CDK19: variants seen among roughly 807,000 people sequenced by gnomAD.
CDK19 encodes cyclin-dependent kinase 19.
A neutral mutation model predicts 68.3 loss-of-function variants in CDK19; 20 were observed. The ratio of observed to expected loss-of-function variants is 0.29; its 90% CI spans 0.21 to 0.43. The LOEUF is 0.43. Among genes scored for constraint, CDK19 ranks in the 20% least tolerant of loss-of-function variants. The pLI, the probability that CDK19 is intolerant of heterozygous loss-of-function variation, is 1.00. For synonymous variants in CDK19, 221 were observed against 222.8 expected, an observed-to-expected ratio of 0.99 and a Z score of 0.07; for missense variants, 339 against 623.5, an observed-to-expected ratio of 0.54 and a Z score of 4.86.
intron 2 of CDK19, among the ~76,000 whole-genome samples, chr6:110,690,819 A>C (rs1458018402): frequency 6.6e-6 from 1 of 152,214 alleles, no homozygotes; most frequent in Non-Finnish European, 1.5e-5. Context: ...GGCTATAATA[A>C]ACTATAAACA....
intron 2 of CDK19, among the ~76,000 whole-genome samples, chr6:110,732,624 A>G (rs1776847071): frequency 6.6e-6 from 1 of 152,200 alleles, no homozygotes; most frequent in South Asian, 2.1e-4. Flanking sequence ...TCCTTTAAAG[A>G]ACCAATCTCT....
At chr6:110,785,980 C>CAA (rs200467580) in intron 1 of CDK19, among the ~76,000 whole-genome samples, 1 of 126,716 alleles carries the variant, frequency 7.9e-6, no homozygotes, top group African/African-American at 3.0e-5. Flanking sequence ...AACTCCATCT[C>CAA]AAAAAAAAAA....
chr6:110,692,964 TC>T (rs1773142008), intron 2 of CDK19, among the ~76,000 whole-genome samples: 2 of 151,990 alleles, frequency 1.3e-5, no homozygotes, highest in Non-Finnish European at 2.9e-5. Context: ...GCCACTGTAC[TC>T]CAGCCTGGGC....
At chr6:110,689,544 G>GTCAC (rs1382937404) in intron 2 of CDK19, among the ~76,000 whole-genome samples, 2 of 152,214 alleles carry the variant, frequency 1.3e-5, no homozygotes, top group Admixed American at 1.3e-4. Context: ...TTGTGGCCAG[G>GTCAC]AAGGAAAAAA....
intron 1 of CDK19, among the ~76,000 whole-genome samples, chr6:110,764,291 T>C (rs1025118564): frequency 2.6e-5 from 4 of 152,120 alleles, no homozygotes; most frequent in Admixed American, 2.6e-4. Flanking sequence ...AGACCCAGAA[T>C]AACCAATGCA....
At chr6:110,795,155 G>A (rs1440436915) in intron 1 of CDK19, among the ~76,000 whole-genome samples, 1 of 152,072 alleles carries the variant, frequency 6.6e-6, no homozygotes, top group East Asian at 1.9e-4. Context: ...ATTTTTTGTA[G>A]AGACAGGGTT....
At chr6:110,740,845 C>T (rs1182002499) in intron 2 of CDK19, among the ~76,000 whole-genome samples, 1 of 152,108 alleles carries the variant, frequency 6.6e-6, no homozygotes, top group African/African-American at 2.4e-5. Context: ...CTCCATTCTC[C>T]CCAATCTATC....
At chr6:110,799,094 G>T (rs890513836) in intron 1 of CDK19, among the ~76,000 whole-genome samples, 1 of 131,174 alleles carries the variant, frequency 7.6e-6, no homozygotes, top group Non-Finnish European at 1.6e-5. Context: ...AGTGAGCTGT[G>T]ATCATGCCAC....
At chr6:110,640,573 T>C (rs923354833) in intron 4 of CDK19, among the ~76,000 whole-genome samples, 1 of 152,188 alleles carries the variant, frequency 6.6e-6, no homozygotes, top group African/African-American at 2.4e-5. Flanking sequence ...GGAAGAATAA[T>C]GGTGCCTTTC....
At chr6:110,671,258 T>C (rs1160479919) in intron 2 of CDK19, among the ~76,000 whole-genome samples, 2 of 152,230 alleles carry the variant, frequency 1.3e-5, no homozygotes, top group East Asian at 3.9e-4. Context: ...AAACAGCACT[T>C]TGCGCATAAC....
At chr6:110,661,981 G>T (rs981799266) in intron 4 of CDK19, among the ~76,000 whole-genome samples, 14 of 86,512 alleles carry the variant, frequency 1.6e-4, no homozygotes, top group African/African-American at 3.7e-4. Context: ...TTTATTTTTT[G>T]GGGGGGGAGA....
intron 2 of CDK19, among the ~76,000 whole-genome samples, chr6:110,714,750 T>G (rs1220640085): frequency 6.6e-6 from 1 of 151,206 alleles, no homozygotes; most frequent in Non-Finnish European, 1.5e-5. Context: ...TTTTAATTTT[T>G]TGAGATGGAG....
intron 1 of CDK19, 103 bp downstream of exon 1, chr6:110,814,906 G>T: frequency 6.7e-7 from 1 of 1,487,326 alleles, no homozygotes; most frequent in Non-Finnish European, 9.2e-7. Context: ...CCTCCGCCTC[G>T]CCCCTCGGGC....
At chr6:110,657,517 T>C (rs983433170) in intron 4 of CDK19, among the ~76,000 whole-genome samples, 3 of 152,194 alleles carry the variant, frequency 2.0e-5, no homozygotes, top group African/African-American at 7.2e-5. Flanking sequence ...TTACTGTATA[T>C]AAATTCCACC....
chr6:110,651,550 T>C (rs192905796), intron 4 of CDK19, among the ~76,000 whole-genome samples: 38 of 152,274 alleles, frequency 2.5e-4, no homozygotes, highest in African/African-American at 8.9e-4. Context: ...CTGGGCAACA[T>C]GGTGAAAACC....
intron 2 of CDK19, chr6:110,722,474 G>A (rs1387457973): frequency 4.0e-5 from 6 of 150,680 alleles, no homozygotes; most frequent in Non-Finnish European, 8.8e-5. Flanking sequence ...CAAGGCAGGA[G>A]GATCAGTGGA....
intron 1 of CDK19, among the ~76,000 whole-genome samples, chr6:110,785,337 T>C (rs1329144665): frequency 6.6e-6 from 1 of 152,188 alleles, no homozygotes; most frequent in Non-Finnish European, 1.5e-5. Flanking sequence ...ATGCAACTTC[T>C]GACTCCCACA....
chr6:110,806,077 C>T (rs541689678), intron 1 of CDK19, among the ~76,000 whole-genome samples: 22 of 151,976 alleles, frequency 1.4e-4, no homozygotes, highest in African/African-American at 4.3e-4. Flanking sequence ...CAGTGGCTGA[C>T]GCTTGTAATC....
rs184596423 is a variant in CDK19 at position 110,633,090 on chromosome 6, G to A, written c.515-929C>T. Among the ~76,000 whole-genome samples the A allele has an allele frequency of 3.3e-3, 503 of 152,010 alleles. 3 individuals are homozygous for A. Among genetic ancestry groups the A allele is most frequent in the African/African-American group, 0.011 (460 of 41,474 alleles). Reference sequence around the variant, plus strand: ...AAAAATTAGCTGGGCGTGGTGGCGCGCACCTGTAGTCCCAGCCACTACGGA... The same window carrying A: ...AAAAATTAGCTGGGCGTGGTGGCGCACACCTGTAGTCCCAGCCACTACGGA... On this transcript the variant is annotated intron_variant, in intron 5 of 12. Transcript: ENST00000368911.
Sources: allele counts gnomAD v4.1 joint callset (sites outside exome capture counted in the v4.1 genomes callset), GRCh38; gene constraint gnomAD v4.1.1; transcripts MANE v1.5; gene names NCBI Gene and HGNC (gene_info 2026-07-23, HGNC 2026-07-21).